Variants in CACNG2 observed in about 807,000 individuals in gnomAD.
CACNG2 encodes the protein voltage-dependent calcium channel gamma-2 subunit.
A neutral mutation model predicts 25.9 loss-of-function variants in CACNG2; 3 were observed. The observed-to-expected ratio is 0.12, with a 90% confidence interval of 0.05 to 0.30. CACNG2 has a LOEUF of 0.30. Ranked by LOEUF, CACNG2 falls within the 10% of genes least tolerant of loss-of-function variation. The probability of loss-of-function intolerance (pLI) is 1.00; values close to 1 mark genes in which losing one functional copy is unlikely to be tolerated. For synonymous variants in CACNG2, 167 were observed against 173.3 expected, an observed-to-expected ratio of 0.96 and a Z score of 0.29; for missense variants, 341 against 432.5, an observed-to-expected ratio of 0.79 and a Z score of 1.88.
In CACNG2 at chr22:36,564,395, A is replaced by T. The variant is rs759121913; in HGVS notation, c.928T>A (p.Ser310Thr). ...CGGTTGGCTGTGTTGGAGTGGAGAG[A>T]GTCCTTGTTCTCCTTCTGGATACAG... ...HNCIQKENKD[S>T]LHSNTANRRT... The change falls in exon 4 of 4, where the codon TCT becomes ACT. Residue 310 changes from serine (S) to threonine (T), a missense_variant. Transcript: ENST00000300105. This position sits in a 1 kb window ranked among gnomAD's most constrained non-coding sequence, Gnocchi z 6.7. The T allele has an allele frequency of 6.8e-6, 11 of 1,613,720 alleles. No homozygotes were observed. Among genetic ancestry groups the T allele is most frequent in the Non-Finnish European group, 2.5e-6 (3 of 1,179,880 alleles).
chr22:36,669,487 A>G (rs1936918774), intron 1 of CACNG2, among the ~76,000 whole-genome samples: 1 of 142,806 alleles, frequency 7.0e-6, no homozygotes, highest in Non-Finnish European at 1.5e-5. Flanking sequence ...AGCTTAGGAG[A>G]CAAGAGTGAA....
Position 36,561,770 on chromosome 22 carries a change from T to C in CACNG2, c.*2581A>G, listed in dbSNP as rs1603500030. 6.6e-6 allele frequency: 1 copy of C among 152,342 alleles called. No individual in the cohort carries two copies. The highest frequency in any genetic ancestry group is 1.9e-4 in the East Asian group (1 of 5,188). The allele number at this position is 152,342 out of a possible 1,614,324, so 9.4% of individuals were successfully genotyped here. The stretch of plus-strand genomic sequence containing the variant: ...TCCAGCTCAGGAAAGCTGTTGGATT[T>C]CTGTCAGTCTGAACTGGCCCTTGTC... On this transcript the variant is annotated 3_prime_UTR_variant, in exon 4 of 4. Coordinates refer to ENST00000300105, the MANE Select transcript of CACNG2 (RefSeq NM_006078.5).
chr22:36,700,453 T>C (rs1937397663), intron 1 of CACNG2, among the ~76,000 whole-genome samples: 1 of 152,204 alleles, frequency 6.6e-6, no homozygotes, highest in Admixed American at 6.5e-5. Flanking sequence ...CTGGGTGTAT[T>C]TATGGTAAAA....
chr22:36,663,172 G>A (rs1936824628), intron 1 of CACNG2, among the ~76,000 whole-genome samples: 1 of 152,118 alleles, frequency 6.6e-6, no homozygotes, highest in Admixed American at 6.6e-5. Flanking sequence ...GTCGGTCTAC[G>A]GGTGGGTGCC....
chr22:36,622,685 G>A lies in CACNG2; in HGVS notation c.212-35137C>T, dbSNP rs563568153. On this transcript the variant is annotated intron_variant, in intron 1 of 3. Transcript: ENST00000300105. ...TTAAAACGTAAGACAAGGGCTGGGC[G>A]CGGTGGCTCACGCCTGTAATCCCAG... Among the ~76,000 whole-genome samples the A allele has an allele frequency of 1.2e-4, 18 of 152,272 alleles. No individual in the cohort carries two copies. The South Asian group carries it at 3.7e-3, about 32-fold the overall frequency.
intron 1 of CACNG2, among the ~76,000 whole-genome samples, chr22:36,590,510 C>A (rs538454231): frequency 6.6e-6 from 1 of 152,066 alleles, no homozygotes; most frequent in Non-Finnish European, 1.5e-5. Flanking sequence ...TCCCTGCAGG[C>A]TCCATCCATC....
intron 1 of CACNG2, among the ~76,000 whole-genome samples, chr22:36,627,013 G>A (rs1008477333): frequency 1.3e-5 from 2 of 152,222 alleles, no homozygotes; most frequent in African/African-American, 4.8e-5. Context: ...ACACAGATAG[G>A]AAGTGACAGA....
intron 2 of CACNG2, among the ~76,000 whole-genome samples, chr22:36,572,817 G>C (rs1332887432): frequency 6.6e-6 from 1 of 152,186 alleles, no homozygotes; most frequent in African/African-American, 2.4e-5. Flanking sequence ...TGGGGAAAAG[G>C]CCACGTGGTC....
At chr22:36,585,760 C>T (rs906104438) in intron 2 of CACNG2, among the ~76,000 whole-genome samples, 2 of 152,194 alleles carry the variant, frequency 1.3e-5, no homozygotes, top group Non-Finnish European at 2.9e-5. Context: ...AGAATCCTGT[C>T]GTTGCCAATC....
At chr22:36,647,311 C>T (rs1297763748) in intron 1 of CACNG2, among the ~76,000 whole-genome samples, 2 of 152,086 alleles carry the variant, frequency 1.3e-5, no homozygotes, top group African/African-American at 4.8e-5. Flanking sequence ...AAATGCAAAT[C>T]TGGGCCAGGT....
chr22:36,663,886 G>A (rs986951917), intron 1 of CACNG2, among the ~76,000 whole-genome samples: 2 of 152,206 alleles, frequency 1.3e-5, no homozygotes, highest in Non-Finnish European at 2.9e-5. Context: ...CAAGGGCACC[G>A]ATGCCCTGAA....
At chr22:36,660,973 G>A (rs1936784244) in intron 1 of CACNG2, among the ~76,000 whole-genome samples, 1 of 152,256 alleles carries the variant, frequency 6.6e-6, no homozygotes, top group African/African-American at 2.4e-5. Context: ...CCAGCACAGG[G>A]CTTGGTGTAC....
intron 3 of CACNG2, 146 bp from the exon 4 acceptor site, chr22:36,565,032 T>C: frequency 1.4e-6 from 1 of 696,404 alleles, no homozygotes; most frequent in Admixed American, 2.3e-5. Flanking sequence ...TGGGGCGGTG[T>C]AGATGGACAT....
chr22:36,613,189 T>C (rs964643911), intron 1 of CACNG2, among the ~76,000 whole-genome samples: 3 of 151,908 alleles, frequency 2.0e-5, no homozygotes, highest in African/African-American at 7.3e-5. Context: ...TGTGTGTGTG[T>C]GCATGTGTGT....
At chr22:36,614,786 G>A (rs1240196604) in intron 1 of CACNG2, among the ~76,000 whole-genome samples, 1 of 152,174 alleles carries the variant, frequency 6.6e-6, no homozygotes, top group Non-Finnish European at 1.5e-5. Context: ...GGAGGTTTGG[G>A]GATTTTCTGT....
intron 1 of CACNG2, among the ~76,000 whole-genome samples, chr22:36,635,176 T>C (rs1485115891): frequency 2.7e-5 from 4 of 150,888 alleles, no homozygotes; most frequent in Non-Finnish European, 4.4e-5. Context: ...CCCAGCTATT[T>C]GGGAGGCTGA....
intron 2 of CACNG2, among the ~76,000 whole-genome samples, chr22:36,569,633 G>T (rs1263125242): frequency 2.6e-5 from 4 of 152,166 alleles, no homozygotes; most frequent in African/African-American, 9.7e-5. Flanking sequence ...TCCGTCTTCG[G>T]GGTTCAAGCA....
intron 1 of CACNG2, among the ~76,000 whole-genome samples, chr22:36,599,862 G>A (rs74954620): frequency 0.032 from 4,913 of 152,260 alleles, 171 homozygotes; most frequent in African/African-American, 0.093. Context: ...TTCCAAATAT[G>A]TCTTGTTCTT....
intron 1 of CACNG2, among the ~76,000 whole-genome samples, chr22:36,591,414 T>C (rs1935590745): frequency 6.6e-6 from 1 of 152,110 alleles, no homozygotes; most frequent in Admixed American, 6.5e-5. Context: ...GGGCAGTGGC[T>C]CAGCCTTAGC....
Sources: gnomAD v4.1 joint callset for allele counts (sites outside exome capture counted in the v4.1 genomes callset) on GRCh38, gnomAD v4.1.1 for gene constraint, Gnocchi (gnomAD v3.1) non-coding constraint, MANE v1.5 for transcripts, NCBI Gene and HGNC (gene_info 2026-07-23, HGNC 2026-07-21) for gene names.